SRGAP3: variants seen among roughly 807,000 people sequenced by gnomAD.
The protein encoded by SRGAP3 is SLIT-ROBO Rho GTPase-activating protein 3.
SRGAP3 carries 39 observed loss-of-function variants against 121.1 expected under a neutral mutation model. That is an observed-to-expected ratio of 0.32 (90% CI 0.25 to 0.42). The LOEUF is 0.42. SRGAP3 is among the 10% of genes least tolerant of loss of function. SRGAP3 has a pLI of 1.00. For missense variants in SRGAP3, 1,213 were observed against 1,470.6 expected (o/e 0.82, Z 2.86); for synonymous variants, 601 against 570.0 (o/e 1.05, Z -0.77).
intron 18 of SRGAP3, among the ~76,000 whole-genome samples, chr3:9,000,757 A>C (rs372117622): frequency 6.6e-6 from 1 of 152,334 alleles, no homozygotes. Flanking sequence ...TATAATGGGG[A>C]CAGAATTTGA....
At chr3:9,074,439 T>C (rs185488190) in intron 4 of SRGAP3, among the ~76,000 whole-genome samples, 229 of 152,324 alleles carry the variant, frequency 1.5e-3, no homozygotes, top group Non-Finnish European at 2.6e-3. Flanking sequence ...CAGCTGACTC[T>C]AAAACCTGTG....
At position 9,060,216 on chromosome 3, in the gene SRGAP3, C is replaced by A; in HGVS notation, c.801+15G>T. The A allele has an allele frequency of 1.2e-6, 2 of 1,613,816 alleles. No individual in the cohort carries two copies. Among genetic ancestry groups the A allele is most frequent in the Non-Finnish European group, 1.7e-6 (2 of 1,179,830 alleles). On this transcript the variant is annotated intron_variant, in intron 6 of 21. Coordinates refer to ENST00000383836, the MANE Select transcript of SRGAP3 (RefSeq NM_014850.4). Reference sequence around the variant, plus strand: ...TGTGGGCCCTGCTCAGTCCCAGACTCCCCAGGGAGCTCACATCGATCAGAT... The same window carrying A: ...TGTGGGCCCTGCTCAGTCCCAGACTACCCAGGGAGCTCACATCGATCAGAT...
chr3:9,029,499 A>T (rs1944373825), intron 12 of SRGAP3, among the ~76,000 whole-genome samples: 1 of 152,246 alleles, frequency 6.6e-6, no homozygotes, highest in Non-Finnish European at 1.5e-5. Flanking sequence ...ACTTATGATT[A>T]TGAACCCAGG....
intron 3 of SRGAP3, among the ~76,000 whole-genome samples, chr3:9,273,099 C>T (rs1954510592): frequency 6.6e-6 from 1 of 152,148 alleles, no homozygotes; most frequent in South Asian, 2.1e-4. Flanking sequence ...ACTGTTCCAC[C>T]TCAGATCATC....
intron 1 of SRGAP3, among the ~76,000 whole-genome samples, chr3:9,338,372 T>C (rs1356410621): frequency 6.6e-6 from 1 of 152,154 alleles, no homozygotes; most frequent in Non-Finnish European, 1.5e-5. Flanking sequence ...ATGTGTTCAG[T>C]TATTGATATG....
chr3:9,350,401 G>T (rs1402453745), intron 1 of SRGAP3, among the ~76,000 whole-genome samples: 2 of 152,184 alleles, frequency 1.3e-5, no homozygotes, highest in African/African-American at 4.8e-5. Context: ...GACAGAAAAA[G>T]ATAATTTAGG....
intron 1 of SRGAP3, chr3:9,337,482 T>TAG (rs1185431951): frequency 6.6e-6 from 1 of 152,188 alleles, no homozygotes; most frequent in Non-Finnish European, 1.5e-5. Context: ...AACAGGTGAT[T>TAG]AGAGAATCCC....
intron 4 of SRGAP3, 136 bp from the exon 5 acceptor site, chr3:9,064,717 G>T: frequency 1.1e-6 from 1 of 934,534 alleles, no homozygotes; most frequent in African/African-American, 1.6e-5. Flanking sequence ...CTGGGCACCT[G>T]CCTTCCTTTA....
At chr3:9,250,301 G>C (rs1432775017), upstream of SRGAP3, among the ~76,000 whole-genome samples, 3 of 152,164 alleles carry the variant, frequency 2.0e-5, no homozygotes, top group Non-Finnish European at 4.4e-5. Flanking sequence ...GCAATGATCA[G>C]AACTGGCACA....
chr3:9,205,225 T>C lies in SRGAP3; in HGVS notation c.67+43660A>G, dbSNP rs375908932. ...CTAAAAAATTAAAAAGGGGTAAAAT[T>C]AATGTTAAGATATATTTTCTTTAAT... On this transcript the variant is annotated intron_variant, in intron 1 of 21. Transcript: ENST00000383836. 9.8e-5 allele frequency among the ~76,000 whole-genome samples: 15 copies of C among 152,354 alleles called. 1 individual carries two copies. Among genetic ancestry groups the C allele is most frequent in the Admixed American group, 3.9e-4 (6 of 15,304 alleles).
At chr3:9,086,030 A>C (rs899160632) in intron 3 of SRGAP3, among the ~76,000 whole-genome samples, 12 of 152,204 alleles carry the variant, frequency 7.9e-5, no homozygotes, top group Non-Finnish European at 1.2e-4. Flanking sequence ...GGCAGCCTGC[A>C]TCACAGCTCG....
chr3:9,248,848 GGGA>G (rs754476236), intron 1 of SRGAP3, 34 bp downstream of exon 1: 3 of 1,605,816 alleles, frequency 1.9e-6, no homozygotes, highest in Non-Finnish European at 2.6e-6. Context: ...AAAACGAAAG[GGGA>G]GGAGAAGGAA....
At chr3:9,155,809 T>C (rs1950396725) in intron 1 of SRGAP3, among the ~76,000 whole-genome samples, 2 of 152,254 alleles carry the variant, frequency 1.3e-5, no homozygotes, top group Admixed American at 1.3e-4. Flanking sequence ...TTCTTTTTTA[T>C]AGATGCTATT....
At chr3:9,264,016 T>C (rs1024763386) in intron 3 of SRGAP3, among the ~76,000 whole-genome samples, 5 of 152,206 alleles carry the variant, frequency 3.3e-5, no homozygotes, top group African/African-American at 1.2e-4. Flanking sequence ...CTAAAGCTTA[T>C]CCACCACAAT....
At chr3:9,221,671 T>A (rs1952820487) in intron 1 of SRGAP3, among the ~76,000 whole-genome samples, 2 of 152,072 alleles carry the variant, frequency 1.3e-5, no homozygotes, top group African/African-American at 4.8e-5. Context: ...CATGCTGATC[T>A]CCCAGTCAGA....
In SRGAP3 at chr3:8,982,121, A is replaced by G. The variant is rs2124877729; in HGVS notation, c.*3398T>C. 1 of 226,264 alleles carries G rather than the reference A, an allele frequency of 4.4e-6. No homozygotes were observed. Among genetic ancestry groups the G allele is most frequent in the Non-Finnish European group, 8.8e-6 (1 of 113,438 alleles). 14.0% of individuals were successfully genotyped at this position (226,264 alleles called of 1,614,324 possible). ...GCTCTTTAGTGGCAGCTGAGCCACA[A>G]GGCCCAGGAAACTAGACCAGGAATT... On this transcript the variant is annotated 3_prime_UTR_variant, in exon 22 of 22. Coordinates refer to ENST00000383836, the MANE Select transcript of SRGAP3 (RefSeq NM_014850.4).
intron 3 of SRGAP3, among the ~76,000 whole-genome samples, chr3:9,319,589 G>A (rs933749674): frequency 2.6e-5 from 4 of 151,844 alleles, no homozygotes; most frequent in Admixed American, 6.5e-5. Context: ...AGTCAAGGTC[G>A]CAGGTCAAGG....
chr3:9,173,479 G>C (rs957346166), intron 1 of SRGAP3, among the ~76,000 whole-genome samples: 1 of 152,204 alleles, frequency 6.6e-6, no homozygotes, highest in Non-Finnish European at 1.5e-5. Flanking sequence ...TGGACAGTGG[G>C]AGAAATAGCT....
intron 6 of SRGAP3, 139 bp from the exon 7 acceptor site, chr3:9,058,611 A>G: frequency 2.3e-6 from 2 of 872,998 alleles, no homozygotes; most frequent in East Asian, 2.6e-5. Flanking sequence ...GGCACTTTGG[A>G]ATCCTACTGC....
Sources: gnomAD v4.1 joint callset for allele counts (sites outside exome capture counted in the v4.1 genomes callset) on GRCh38, gnomAD v4.1.1 for gene constraint, MANE v1.5 for transcripts, NCBI Gene and HGNC (gene_info 2026-07-23, HGNC 2026-07-21) for gene names.